The following PTPRD variants were observed in gnomAD, a reference collection of about 807,000 sequenced individuals.
PTPRD encodes the protein protein tyrosine phosphatase receptor type D, also known as receptor-type tyrosine-protein phosphatase delta.
Under a neutral mutation model 214.5 loss-of-function variants are expected in PTPRD, and 34 were observed. That is an observed-to-expected ratio of 0.16 (90% CI 0.12 to 0.21). The LOEUF is 0.21. PTPRD is among the 10% of genes least tolerant of loss of function. PTPRD has a pLI of 1.00. For synonymous variants in PTPRD, 1,128 were observed against 845.7 expected (o/e 1.33, Z -5.79); for missense variants, 2,545 against 2,398.7 (o/e 1.06, Z -1.27).
At chr9:9,586,356 C>T (rs765365835) in intron 7 of PTPRD, among the ~76,000 whole-genome samples, 2 of 151,846 alleles carry the variant, frequency 1.3e-5, no homozygotes, top group Non-Finnish European at 2.9e-5. Flanking sequence ...CTAATACAAA[C>T]AAATCTAGTA....
intron 5 of PTPRD, among the ~76,000 whole-genome samples, chr9:9,793,512 G>A (rs933434064): frequency 1.3e-5 from 2 of 152,052 alleles, no homozygotes; most frequent in African/African-American, 4.8e-5. Flanking sequence ...AGATAGATAT[G>A]TACGTCTGTC....
intron 7 of PTPRD, among the ~76,000 whole-genome samples, chr9:9,609,288 A>G (rs1055921476): frequency 2.0e-5 from 3 of 152,174 alleles, no homozygotes; most frequent in Non-Finnish European, 4.4e-5. Flanking sequence ...AAACCCGACA[A>G]CAATTCAGTC....
At chr9:9,390,430 C>G (rs760217993) in intron 9 of PTPRD, among the ~76,000 whole-genome samples, 1 of 152,170 alleles carries the variant, frequency 6.6e-6, no homozygotes, top group Non-Finnish European at 1.5e-5. Flanking sequence ...CTCGTCCACT[C>G]TATCAGTCAA....
At chr9:10,280,274 G>A (rs907132364) in intron 3 of PTPRD, among the ~76,000 whole-genome samples, 3 of 151,720 alleles carry the variant, frequency 2.0e-5, no homozygotes, top group African/African-American at 4.8e-5. Context: ...ATTACCTGAG[G>A]TTGAAATTTT....
intron 8 of PTPRD, among the ~76,000 whole-genome samples, chr9:9,419,257 G>T (rs7855884): frequency 0.8 from 120,168 of 150,852 alleles, 47,998 homozygotes; most frequent in Non-Finnish European, 0.82. Context: ...CAGTCTCATT[G>T]TAAGAAAGAA....
chr9:9,808,791 A>T lies in PTPRD; in HGVS notation c.-367-41940T>A, dbSNP rs1193319688. ...TTTAATTTTTACTTAATTAATTTAG[A>T]TACTGGGTCTTGCTTTGTTTTACAG... On this transcript the variant is annotated intron_variant, in intron 5 of 45. Transcript: ENST00000381196. Among the ~76,000 whole-genome samples, 3 of 152,160 alleles carry T rather than the reference A, an allele frequency of 2.0e-5. No individual in the cohort carries two copies. The East Asian group carries it at 5.8e-4, about 30-fold the overall frequency.
chr9:8,600,243 T>C lies in PTPRD; in HGVS notation c.352+33074A>G, dbSNP rs767108015. Among the ~76,000 whole-genome samples the C allele has an allele frequency of 4.6e-5, 7 of 152,184 alleles. No individual in the cohort carries two copies. The South Asian group carries it at 6.2e-4, about 14-fold the overall frequency. On this transcript the variant is annotated intron_variant, in intron 14 of 45. Coordinates refer to ENST00000381196, the MANE Select transcript of PTPRD (RefSeq NM_002839.4). ...CTAGCCAGACGGAGGGGATTGCCCA[T>C]CCCAGCAGTCAGAGCTTGAGTTCCC...
chr9:9,135,782 G>GTTTAAAGATAGAA (rs1216041884), intron 10 of PTPRD, among the ~76,000 whole-genome samples: 3 of 150,818 alleles, frequency 2.0e-5, no homozygotes, highest in Non-Finnish European at 4.4e-5. Context: ...CTTTTTAATA[G>GTTTAAAGATAGAA]TTTAAAGATA....
intron 5 of PTPRD, among the ~76,000 whole-genome samples, chr9:9,791,961 T>C (rs956700435): frequency 5.3e-5 from 8 of 152,136 alleles, no homozygotes; most frequent in Non-Finnish European, 7.4e-5. Flanking sequence ...CATATTTGAA[T>C]AATTAGAGCA....
chr9:10,066,592 A>G (rs2097889993), intron 3 of PTPRD, among the ~76,000 whole-genome samples: 1 of 151,526 alleles, frequency 6.6e-6, no homozygotes, highest in Admixed American at 6.6e-5. Context: ...CCATGGGGGG[A>G]CTTCCTACTG....
At chr9:9,889,535 A>T (rs554019825) in intron 5 of PTPRD, among the ~76,000 whole-genome samples, 1 of 152,282 alleles carries the variant, frequency 6.6e-6, no homozygotes, top group East Asian at 1.9e-4. Flanking sequence ...AGAGAACACC[A>T]AGCCTCTAAG....
At chr9:8,770,012 G>A (rs144620164) in intron 11 of PTPRD, among the ~76,000 whole-genome samples, 25 of 152,284 alleles carry the variant, frequency 1.6e-4, no homozygotes, top group African/African-American at 6.0e-4. Context: ...CAGGCACGGT[G>A]GCTCATGCCT....
chr9:9,251,073 CT>C (rs2099975280), intron 9 of PTPRD, among the ~76,000 whole-genome samples: 4 of 151,972 alleles, frequency 2.6e-5, no homozygotes. Flanking sequence ...CTTTATACCA[CT>C]TTTAATAGGA....
chr9:9,739,325 T>A (rs1244620868), intron 6 of PTPRD, among the ~76,000 whole-genome samples: 2 of 152,320 alleles, frequency 1.3e-5, no homozygotes, highest in South Asian at 4.1e-4. Flanking sequence ...TTTTATATCA[T>A]AATAAGAAAG....
intron 6 of PTPRD, among the ~76,000 whole-genome samples, chr9:9,749,612 A>T (rs1254751167): frequency 6.6e-6 from 1 of 152,208 alleles, no homozygotes; most frequent in Non-Finnish European, 1.5e-5. Context: ...GACAATCCAC[A>T]GAATGTACAC....
chr9:9,958,392 G>A (rs13289632), intron 4 of PTPRD, among the ~76,000 whole-genome samples: 2,925 of 152,148 alleles, frequency 0.019, 44 homozygotes, highest in Non-Finnish European at 0.03. Context: ...TTAGCTGGGC[G>A]TGGTGGCACG....
chr9:10,306,064 C>A (rs1225055895), intron 3 of PTPRD, among the ~76,000 whole-genome samples: 1 of 152,074 alleles, frequency 6.6e-6, no homozygotes, highest in Non-Finnish European at 1.5e-5. Context: ...AAATGTGGCA[C>A]ATATACACCA....
intron 11 of PTPRD, among the ~76,000 whole-genome samples, chr9:8,914,264 G>C (rs1031216650): frequency 1.3e-5 from 2 of 152,144 alleles, no homozygotes; most frequent in East Asian, 3.9e-4. Flanking sequence ...AAGGAAGAAT[G>C]CATTTGAATT....
intron 4 of PTPRD, among the ~76,000 whole-genome samples, chr9:9,946,652 G>A (rs189134833): frequency 1.2e-4 from 18 of 145,296 alleles, no homozygotes; most frequent in Admixed American, 8.0e-4. Context: ...CTCCTGCATC[G>A]ACACTGGCTT....
Sources: allele counts gnomAD v4.1 joint callset (sites outside exome capture counted in the v4.1 genomes callset), GRCh38; gene constraint gnomAD v4.1.1; transcripts MANE v1.5; gene names NCBI Gene and HGNC (gene_info 2026-07-23, HGNC 2026-07-21).